Variants in NAV3 observed in about 807,000 individuals in gnomAD.
NAV3 encodes the protein pore membrane and/or filament interacting like protein 1.
A neutral mutation model predicts 244.7 loss-of-function variants in NAV3; 87 were observed. The observed-to-expected ratio is 0.36, with a 90% CI of 0.30 to 0.42. NAV3 has a LOEUF of 0.42. Among genes scored for constraint, NAV3 ranks in the 20% least tolerant of loss-of-function variants. The probability of loss-of-function intolerance (pLI) is 1.00; values close to 1 mark genes in which losing one functional copy is unlikely to be tolerated. For synonymous variants in NAV3, 1,126 were observed against 1,042.2 expected, an observed-to-expected ratio of 1.08 and a Z score of -1.55; for missense variants, 2,663 against 2,893.3, an observed-to-expected ratio of 0.92 and a Z score of 1.83.
chr12:77,800,070 A>G (rs772466349), intron 2 of NAV3, among the ~76,000 whole-genome samples: 5 of 152,124 alleles, frequency 3.3e-5, no homozygotes, highest in Non-Finnish European at 7.4e-5. Flanking sequence ...AAAACATTCA[A>G]ATTATCAGTG....
chr12:77,989,080 C>A (rs1677886), intron 5 of NAV3, among the ~76,000 whole-genome samples: 24,777 of 151,988 alleles, frequency 0.16, 2,125 homozygotes, highest in East Asian at 0.3. Context: ...GCATATTGAA[C>A]CACAAGATTT....
intron 11 of NAV3, among the ~76,000 whole-genome samples, chr12:78,058,046 T>C (rs1211355973): frequency 6.6e-6 from 1 of 152,182 alleles, no homozygotes; most frequent in East Asian, 1.9e-4. Flanking sequence ...TGGAGTTTCT[T>C]TAAGGGAGTG....
intron 2 of NAV3, among the ~76,000 whole-genome samples, chr12:77,796,234 AGTTTGAAAAAT>A (rs1242945332): frequency 6.6e-6 from 1 of 152,160 alleles, no homozygotes; most frequent in East Asian, 1.9e-4. Flanking sequence ...CATTAATGAG[AGTTTGAAAAAT>A]GTTTATTTCA....
chr12:77,722,208 G>T (rs1876668497), intron 2 of NAV3, among the ~76,000 whole-genome samples: 1 of 152,054 alleles, frequency 6.6e-6, no homozygotes, highest in African/African-American at 2.4e-5. Context: ...GTATAAAAAT[G>T]AATTCAATCG....
intron 2 of NAV3, among the ~76,000 whole-genome samples, chr12:77,727,425 G>A (rs1047633152): frequency 6.7e-6 from 1 of 148,872 alleles, no homozygotes; most frequent in South Asian, 2.1e-4. Flanking sequence ...CTCTTAAGAG[G>A]AACAATTTTT....
chr12:77,699,298 G>T (rs1592595088), intron 2 of NAV3, among the ~76,000 whole-genome samples: 1 of 152,040 alleles, frequency 6.6e-6, no homozygotes, highest in South Asian at 2.1e-4. Context: ...TCAATGCCCT[G>T]GTTCTCACAA....
At position 78,006,892 on chromosome 12, in the gene NAV3, G is replaced by A. The variant is rs2136575972; in HGVS notation, c.1354G>A (p.Gly452Arg). The change falls in exon 8 of 40, where the codon GGA (glycine) becomes AGA (arginine). Residue 452 changes from glycine to arginine, a missense_variant. Physicochemically the swap from Gly to Arg is moderately radical, Grantham distance 125 (BLOSUM62 -2). Around this residue, in one of 6 missense-constraint regions of NAV3, gnomAD observed 1,521 missense variants for 1,497.0 expected, o/e 1.02. Coordinates refer to ENST00000397909, the MANE Select transcript of NAV3 (RefSeq NM_001024383.2). ...VSPKLAPPKA[G>R]SKNLSNKKSL... ...ACCTAAGTTGGCCCCTCCAAAAGCT[G>A]GAAGCAAAAATCTCAGCAATAAAAA... The A allele has an allele frequency of 6.2e-7, 1 of 1,613,722 alleles. No individual in the cohort carries two copies. The highest frequency in any genetic ancestry group is 1.6e-4 in the Middle Eastern group (1 of 6,062).
chr12:77,727,493 C>T (rs1876930003), intron 2 of NAV3, among the ~76,000 whole-genome samples: 1 of 151,400 alleles, frequency 6.6e-6, no homozygotes, highest in Admixed American at 6.6e-5. Context: ...ATTACCAAGT[C>T]AAGGGTATAA....
At chr12:78,068,220 C>T (rs1885256590) in intron 12 of NAV3, among the ~76,000 whole-genome samples, 1 of 151,926 alleles carries the variant, frequency 6.6e-6, no homozygotes, top group South Asian at 2.1e-4. Flanking sequence ...CATCAAGTAG[C>T]TTACCCATAG....
chr12:78,200,326 C>T (rs995134011), intron 37 of NAV3, 147 bp from the exon 38 acceptor site: 5 of 462,926 alleles, frequency 1.1e-5, no homozygotes, highest in African/African-American at 4.0e-5. Flanking sequence ...CTTCAGTAAA[C>T]ATGCTTTAAT....
intron 1 of NAV3, among the ~76,000 whole-genome samples, chr12:77,849,772 A>C (rs996102816): frequency 1.3e-5 from 2 of 152,172 alleles, no homozygotes; most frequent in Non-Finnish European, 2.9e-5. Flanking sequence ...CCAAACCTTA[A>C]TAATTTTGGC....
intron 23 of NAV3, among the ~76,000 whole-genome samples, chr12:78,162,834 C>T (rs1957601551): frequency 7.6e-6 from 1 of 132,086 alleles, no homozygotes; most frequent in Non-Finnish European, 1.6e-5. Context: ...TGCACTCCAG[C>T]CTGGGCAACA....
Position 78,116,707 on chromosome 12 carries a change from A to C in NAV3, c.2637-65A>C, listed in dbSNP as rs1955397480. The stretch of plus-strand genomic sequence containing the variant: ...TAATAAATTGTGAATGTTGCATGGA[A>C]ATGTAGGTGACTTGCATTGTGCATC... On this transcript the variant is annotated intron_variant, in intron 12 of 39. Transcript: ENST00000397909. 3.6e-6 allele frequency: 5 copies of C among 1,400,008 alleles called. No homozygotes were observed. In the East Asian group the frequency reaches 1.3e-4, roughly 36 times the overall value. The allele number at this position is 1,400,008 out of a possible 1,614,324, so 86.7% of individuals were successfully genotyped here. A position where few individuals can be genotyped will look rare whatever the true frequency, so the allele number is the denominator to read the frequency against.
At chr12:77,589,440 G>T (rs1170625414) in intron 2 of NAV3, among the ~76,000 whole-genome samples, 3 of 152,080 alleles carry the variant, frequency 2.0e-5, no homozygotes, top group African/African-American at 7.2e-5. Flanking sequence ...CCTAAAACTG[G>T]ATAATTTATG....
At chr12:77,594,497 G>T (rs1370638934) in intron 2 of NAV3, among the ~76,000 whole-genome samples, 1 of 152,138 alleles carries the variant, frequency 6.6e-6, no homozygotes, top group African/African-American at 2.4e-5. Context: ...AGAACAGCCT[G>T]GATATTTACT....
intron 9 of NAV3, among the ~76,000 whole-genome samples, 170 bp downstream of exon 9, chr12:78,022,032 C>T (rs1323773260): frequency 6.6e-6 from 1 of 152,132 alleles, no homozygotes; most frequent in Non-Finnish European, 1.5e-5. Context: ...TTAGGATGAT[C>T]TCTTTGTTAC....
intron 8 of NAV3, among the ~76,000 whole-genome samples, chr12:78,013,493 A>G (rs1419034616): frequency 6.6e-6 from 1 of 152,144 alleles, no homozygotes; most frequent in Non-Finnish European, 1.5e-5. Context: ...TGAAGGAACC[A>G]CATAAACAAA....
At chr12:78,161,272 C>CA (rs1050953174) in intron 23 of NAV3, among the ~76,000 whole-genome samples, 1 of 151,914 alleles carries the variant, frequency 6.6e-6, no homozygotes, top group Non-Finnish European at 1.5e-5. Context: ...TAGGGGCTAC[C>CA]AAAAAATATT....
At chr12:77,914,802 C>T (rs537798392) in intron 1 of NAV3, among the ~76,000 whole-genome samples, 21 of 148,450 alleles carry the variant, frequency 1.4e-4, no homozygotes, top group South Asian at 1.1e-3. Flanking sequence ...AAACACAAAC[C>T]TTTTACCAGG....
Sources: gnomAD v4.1 joint callset for allele counts (sites outside exome capture counted in the v4.1 genomes callset) on GRCh38, gnomAD v4.1.1 for gene constraint, gnomAD v4.1.1 regional missense constraint, MANE v1.5 for transcripts, NCBI Gene and HGNC (gene_info 2026-07-23, HGNC 2026-07-21) for gene names.